Variants in JHY observed in about 807,000 individuals in gnomAD.
The protein encoded by JHY is junctional cadherin complex regulator.
In JHY, 69 loss-of-function variants were observed where a neutral mutation model predicts 78.0. The ratio of observed to expected loss-of-function variants is 0.88; its 90% CI spans 0.73 to 1.08. The LOEUF is 1.08. JHY is among the 50% of genes least tolerant of loss of function. JHY has a pLI of 0.00. For missense variants in JHY, 944 were observed against 927.8 expected (o/e 1.02, Z -0.23); for synonymous variants, 368 against 342.6 (o/e 1.07, Z -0.82).
intron 3 of JHY, chr11:122,905,310 A>G: frequency 6.2e-7 from 1 of 1,602,768 alleles, no homozygotes; most frequent in South Asian, 1.1e-5. Flanking sequence ...ACAGGACAAG[A>G]GTGGGGTTAG....
rs528835382 is a variant in JHY, at chr11:122,956,745, C to A, written c.2010+169C>A. On this transcript the variant is annotated intron_variant, in intron 7 of 8. Transcript: ENST00000227349. ...AGAGACCCAGACACGTGCCTTTTGCCTTAAAATAAAAATATTTAGCCCGTG... is the reference window on the plus strand; with the variant it reads ...AGAGACCCAGACACGTGCCTTTTGCATTAAAATAAAAATATTTAGCCCGTG... Among the ~76,000 whole-genome samples the A allele has an allele frequency of 7.1e-4, 108 of 152,282 alleles. 3 individuals are homozygous for A. In the South Asian group the frequency reaches 0.022, roughly 30 times the overall value.
chr11:122,921,825 A>G (rs1863372198), intron 3 of JHY, among the ~76,000 whole-genome samples: 1 of 152,194 alleles, frequency 6.6e-6, no homozygotes, highest in Non-Finnish European at 1.5e-5. Flanking sequence ...CTCCACTAAA[A>G]ATACAAAAAT....
At chr11:122,903,665 A>G (rs766396660) in intron 2 of JHY, among the ~76,000 whole-genome samples, 6 of 151,946 alleles carry the variant, frequency 3.9e-5, no homozygotes, top group African/African-American at 9.7e-5. Context: ...AATTTGTTGT[A>G]AAGATGGAGT....
chr11:122,943,039 T>TA lies in JHY; in HGVS notation c.1635-3458dup, dbSNP rs144606135. Among the ~76,000 whole-genome samples the TA allele has an allele frequency of 3.9e-4, 59 of 152,206 alleles. 1 individual carries two copies. The highest frequency in any genetic ancestry group is 1.4e-3 in the African/African-American group (58 of 41,556). ...ACAGACAGGCTCCACCACACCCACC[T>TA]ACTTTTTAAAATTTATTTGGAGACA... On this transcript the variant is annotated intron_variant, in intron 5 of 8. Coordinates refer to ENST00000227349, the MANE Select transcript of JHY (RefSeq NM_024806.4).
rs1352237414 is a variant in JHY, at chr11:122,916,712, T to C, written c.865-8185T>C. Among the ~76,000 whole-genome samples, 5 of 152,212 alleles carry C rather than the reference T, an allele frequency of 3.3e-5. 1 individual carries two copies. Among genetic ancestry groups the C allele is most frequent in the Non-Finnish European group, 7.3e-5 (5 of 68,040 alleles). Reference sequence around the variant, plus strand: ...TAGAGCGCCGTGGCATGATCTTGGCTCACTGCAGCCTCCACCTCCCAGGTT... The same window carrying C: ...TAGAGCGCCGTGGCATGATCTTGGCCCACTGCAGCCTCCACCTCCCAGGTT... On this transcript the variant is annotated intron_variant, in intron 3 of 8. Coordinates refer to ENST00000227349, the MANE Select transcript of JHY (RefSeq NM_024806.4).
Position 122,957,410 on chromosome 11 carries a change from G to A in JHY, c.2058G>A (p.Glu686=). The change falls in exon 8 of 9, where the codon GAG becomes GAA. Residue 686 remains glutamate, a synonymous_variant. Transcript: ENST00000227349. ...AGGAATATGCAAAACAAGTCAAGGA[G>A]TACAACATGAAGACACTATCCATTC... ...QQKEYAKQVK[E]YNMKTLSILS... is the part of the protein sequence containing the mutation. 2.0e-6 allele frequency: 3 copies of A among 1,535,208 alleles called. No homozygotes were observed. Among genetic ancestry groups the A allele is most frequent in the South Asian group, 1.3e-5 (1 of 76,528 alleles).
chr11:122,940,316 C>T (rs57802631), intron 5 of JHY, among the ~76,000 whole-genome samples: 4,764 of 151,908 alleles, frequency 0.031, 114 homozygotes, highest in East Asian at 0.11. Flanking sequence ...CCAGCCTGGG[C>T]AACAGAGTGA....
Position 122,959,817 on chromosome 11 carries a change from C to T in JHY, c.*372C>T, listed in dbSNP as rs748459017. ...TGTAGCTGTGTTTCTCTCTTACCTT[C>T]CTAGTAAGAAAAACAAGTATAAACA... On this transcript the variant is annotated 3_prime_UTR_variant, in exon 9 of 9. Coordinates refer to ENST00000227349, the MANE Select transcript of JHY (RefSeq NM_024806.4). The T allele has an allele frequency of 1.8e-5, 3 of 168,734 alleles. No homozygotes were observed. The highest frequency in any genetic ancestry group is 3.8e-5 in the Non-Finnish European group (3 of 79,562). 10.5% of individuals were successfully genotyped at this position (168,734 alleles called of 1,614,324 possible). A position where few individuals can be genotyped will look rare whatever the true frequency, so the allele number is the denominator to read the frequency against.
chr11:122,940,675 T>C (rs1035649446), intron 5 of JHY, among the ~76,000 whole-genome samples: 8 of 152,238 alleles, frequency 5.3e-5, no homozygotes, highest in African/African-American at 1.9e-4. Context: ...CAACAGCTTT[T>C]TGTACAGTGG....
intron 8 of JHY, 38 bp downstream of exon 8, chr11:122,957,529 A>G (rs2135385297): frequency 6.6e-7 from 1 of 1,504,310 alleles, no homozygotes; most frequent in Non-Finnish European, 8.8e-7. Flanking sequence ...TTTTTCAAGC[A>G]GAATTAAAAG....
rs1428129291 is a variant in JHY at position 122,956,512 on chromosome 11, G to A, written c.1946G>A (p.Gly649Asp). The stretch of plus-strand genomic sequence containing the variant: ...TATTTTTAGAACACCAAGCTGAAAG[G>A]TTATCAGAAAAGAGACGTGAAGCTT... The part of the protein sequence containing the change: ...RSSSKNTKLK[G>D]YQKRDVKLGG... Residue 649 changes from glycine to aspartate, a missense_variant, in exon 7 of 9, where the codon GGT becomes GAT. Coordinates refer to ENST00000227349, the MANE Select transcript of JHY (RefSeq NM_024806.4). The A allele has an allele frequency of 1.2e-6, 2 of 1,613,450 alleles. No homozygotes were observed. Among genetic ancestry groups the A allele is most frequent in the Non-Finnish European group, 1.7e-6 (2 of 1,179,578 alleles).
rs760298251 is a variant in JHY, at chr11:122,898,510, A to G, written c.345-5415A>G. Among the ~76,000 whole-genome samples, 1 of 152,126 alleles carries G rather than the reference A, an allele frequency of 6.6e-6. No homozygotes were observed. The highest frequency in any genetic ancestry group is 1.5e-5 in the Non-Finnish European group (1 of 68,028). On this transcript the variant is annotated intron_variant, in intron 2 of 8. Coordinates refer to ENST00000227349, the MANE Select transcript of JHY (RefSeq NM_024806.4). This position sits in a 1 kb window ranked among gnomAD's most constrained non-coding sequence, Gnocchi z 4.4. ...GGAAAAAAAACTGAAGACTCACAAC[A>G]AACATTCCCTAGATCATCAAACAGT... is the stretch of plus-strand genomic sequence containing the variant.
At chr11:122,909,469 T>C (rs1863067941) in intron 3 of JHY, among the ~76,000 whole-genome samples, 1 of 152,138 alleles carries the variant, frequency 6.6e-6, no homozygotes. Flanking sequence ...AGGACAGTAA[T>C]AGGACTTTCC....
chr11:122,885,712 T>C, intron 1 of JHY, 49 bp from the exon 2 acceptor site: 1 of 636,938 alleles, frequency 1.6e-6, no homozygotes, highest in Non-Finnish European at 2.7e-6. Flanking sequence ...ACGTTGACAG[T>C]ATTGAGATTT....
At chr11:122,934,241 G>A (rs1863695990) in intron 4 of JHY, among the ~76,000 whole-genome samples, 179 bp from the exon 5 acceptor site, 1 of 151,970 alleles carries the variant, frequency 6.6e-6, no homozygotes, top group Non-Finnish European at 1.5e-5. Flanking sequence ...GTGTGAACCT[G>A]GGAGGCGGAG....
rs1378362529 is a variant in JHY, at chr11:122,917,193, A to G, written c.865-7704A>G. On this transcript the variant is annotated intron_variant, in intron 3 of 8. Transcript: ENST00000227349. The surrounding 1 kb of genome is among the most constrained non-coding windows in gnomAD (Gnocchi z 4.1). ...ACTCTTGGTAAACATACAACTCAACAAGTGGAAGTAGAAGTACCAAGGTGT... is the reference window on the plus strand; with the variant it reads ...ACTCTTGGTAAACATACAACTCAACGAGTGGAAGTAGAAGTACCAAGGTGT... Among the ~76,000 whole-genome samples the G allele has an allele frequency of 1.3e-5, 2 of 152,204 alleles. No individual in the cohort carries two copies. The highest frequency in any genetic ancestry group is 4.8e-5 in the African/African-American group (2 of 41,448).
chr11:122,928,495 T>G (rs1565325326), intron 4 of JHY, among the ~76,000 whole-genome samples: 2 of 151,648 alleles, frequency 1.3e-5, no homozygotes, highest in Middle Eastern at 3.4e-3. Context: ...AAATATTTAT[T>G]GAGTATCTAC....
chr11:122,957,236 T>G, intron 7 of JHY, 127 bp from the exon 8 acceptor site: 1 of 1,019,426 alleles, frequency 9.8e-7, no homozygotes, highest in Non-Finnish European at 1.3e-6. Context: ...TTACTCAAGG[T>G]GATCCCATTG....
At chr11:122,919,567 A>G (rs2135332657) in intron 3 of JHY, among the ~76,000 whole-genome samples, 1 of 152,308 alleles carries the variant, frequency 6.6e-6, no homozygotes, top group East Asian at 1.9e-4. Context: ...AAATCTTTGA[A>G]GATGGAGGGT....
Sources: gnomAD v4.1 joint callset for allele counts (sites outside exome capture counted in the v4.1 genomes callset) on GRCh38, gnomAD v4.1.1 for gene constraint, Gnocchi (gnomAD v3.1) non-coding constraint, MANE v1.5 for transcripts, NCBI Gene and HGNC (gene_info 2026-07-23, HGNC 2026-07-21) for gene names.